Variants in BMPR1B observed in about 807,000 individuals in gnomAD.
BMPR1B encodes the protein bone morphogenetic protein receptor type 1B.
In BMPR1B, 12 loss-of-function variants were observed where a neutral mutation model predicts 59.1. That is an observed-to-expected ratio of 0.20 (90% confidence interval 0.13 to 0.33). The LOEUF is 0.33. Among genes scored for constraint, BMPR1B ranks in the 10% least tolerant of loss-of-function variants. The pLI is 1.00. For missense variants in BMPR1B, 550 were observed against 610.9 expected, an observed-to-expected ratio of 0.90 and a Z score of 1.05; for synonymous variants, 237 against 207.3, an observed-to-expected ratio of 1.14 and a Z score of -1.23.
rs183468412 is a variant in BMPR1B, at chr4:95,118,071, A to G, written c.349+2284A>G. Among the ~76,000 whole-genome samples, 9 of 152,262 alleles carry G rather than the reference A, an allele frequency of 5.9e-5. No homozygotes were observed. The East Asian group carries it at 1.5e-3, about 26-fold the overall frequency. On this transcript the variant is annotated intron_variant, in intron 6 of 12. Transcript: ENST00000515059. The stretch of plus-strand genomic sequence containing the variant: ...GCTGGCTTTGGTGGGGTTTAGTAGC[A>G]TTAGAATGCACTGCTTTGAGCTCTG...
At chr4:95,071,648 G>GCATATATATATA (rs1430593586) in intron 3 of BMPR1B, among the ~76,000 whole-genome samples, 67 of 104,752 alleles carry the variant, frequency 6.4e-4, no homozygotes, top group African/African-American at 2.4e-3. Context: ...GTGTGTGTGT[G>GCATATATATATA]TGTGTATATA....
chr4:95,117,479 T>C (rs1338321156), intron 6 of BMPR1B, among the ~76,000 whole-genome samples: 1 of 151,792 alleles, frequency 6.6e-6, no homozygotes, highest in African/African-American at 2.4e-5. Flanking sequence ...TGGAGAAAAA[T>C]CCCATAATTA....
chr4:95,009,422 C>T (rs1167460479), intron 3 of BMPR1B, among the ~76,000 whole-genome samples: 2 of 152,058 alleles, frequency 1.3e-5, no homozygotes, highest in Non-Finnish European at 2.9e-5. Context: ...ATATTTTATA[C>T]AGTGGAATTA....
intron 2 of BMPR1B, among the ~76,000 whole-genome samples, chr4:94,927,807 A>G (rs1728946631): frequency 6.6e-6 from 1 of 152,126 alleles, no homozygotes; most frequent in South Asian, 2.1e-4. Flanking sequence ...AAGAACTGGA[A>G]TGCATTCAGA....
At chr4:95,042,004 C>T (rs1331940018) in intron 3 of BMPR1B, among the ~76,000 whole-genome samples, 1 of 152,084 alleles carries the variant, frequency 6.6e-6, no homozygotes, top group African/African-American at 2.4e-5. Context: ...CCATAGGCGC[C>T]AGCCACCACG....
chr4:95,019,883 A>T (rs961073351), intron 3 of BMPR1B, among the ~76,000 whole-genome samples: 1 of 152,288 alleles, frequency 6.6e-6, no homozygotes, highest in Non-Finnish European at 1.5e-5. Context: ...GTGAAAGGAA[A>T]TATTTTAATT....
At chr4:94,916,242 G>C (rs975905204) in intron 2 of BMPR1B, among the ~76,000 whole-genome samples, 1 of 152,170 alleles carries the variant, frequency 6.6e-6, no homozygotes, top group African/African-American at 2.4e-5. Flanking sequence ...TTTGGAACTG[G>C]GTAAGGGGCA....
At chr4:94,951,858 A>T (rs914353389) in intron 2 of BMPR1B, among the ~76,000 whole-genome samples, 3 of 151,524 alleles carry the variant, frequency 2.0e-5, no homozygotes, top group Non-Finnish European at 4.4e-5. Flanking sequence ...TTACCTCTGG[A>T]AGAATTTGGC....
intron 6 of BMPR1B, among the ~76,000 whole-genome samples, chr4:95,118,162 G>C (rs1003971234): frequency 3.3e-5 from 5 of 152,194 alleles, no homozygotes; most frequent in African/African-American, 1.2e-4. Flanking sequence ...GCCTAGGCAA[G>C]GTCTCTGCAG....
intron 3 of BMPR1B, among the ~76,000 whole-genome samples, chr4:95,099,760 G>A (rs1730690960): frequency 6.6e-6 from 1 of 152,048 alleles, no homozygotes; most frequent in South Asian, 2.1e-4. Context: ...ATTTTCATCT[G>A]TATCTCTAAA....
At chr4:95,022,317 T>G (rs1724048406) in intron 3 of BMPR1B, among the ~76,000 whole-genome samples, 1 of 152,250 alleles carries the variant, frequency 6.6e-6, no homozygotes, top group Non-Finnish European at 1.5e-5. Flanking sequence ...TTTTGTGCAC[T>G]GTTGCTAGGT....
intron 2 of BMPR1B, among the ~76,000 whole-genome samples, chr4:94,986,256 T>G (rs1483588217): frequency 1.3e-5 from 2 of 152,194 alleles, no homozygotes; most frequent in African/African-American, 4.8e-5. Context: ...TTTTCTACTT[T>G]TACTATATTT....
intron 2 of BMPR1B, among the ~76,000 whole-genome samples, chr4:94,890,631 C>T (rs1378637872): frequency 1.3e-5 from 2 of 152,024 alleles, no homozygotes; most frequent in Non-Finnish European, 2.9e-5. Flanking sequence ...TTCCACAGTT[C>T]TGGAAGCTGA....
At chr4:95,023,272 C>A (rs561919867) in intron 3 of BMPR1B, among the ~76,000 whole-genome samples, 6 of 152,132 alleles carry the variant, frequency 3.9e-5, no homozygotes, top group African/African-American at 1.4e-4. Flanking sequence ...TCCAGTATGG[C>A]GAAATGTTTT....
At chr4:94,965,351 A>T (rs931958695) in intron 2 of BMPR1B, among the ~76,000 whole-genome samples, 1 of 152,100 alleles carries the variant, frequency 6.6e-6, no homozygotes, top group African/African-American at 2.4e-5. Flanking sequence ...AGTTGAGCTA[A>T]CATATATCAA....
chr4:95,106,637 A>G (rs1271653179), intron 4 of BMPR1B, among the ~76,000 whole-genome samples: 4 of 152,056 alleles, frequency 2.6e-5, no homozygotes, highest in Non-Finnish European at 4.4e-5. Flanking sequence ...CAATCTGGAC[A>G]TGATACATTT....
intron 10 of BMPR1B, 104 bp from the exon 11 acceptor site, chr4:95,148,644 C>A: frequency 8.4e-7 from 1 of 1,194,042 alleles, no homozygotes; most frequent in South Asian, 1.3e-5. Flanking sequence ...GAAAGTTTTT[C>A]TTTTCCACTT....
chr4:94,971,016 T>A, intron 2 of BMPR1B, among the ~76,000 whole-genome samples: 1 of 152,208 alleles, frequency 6.6e-6, no homozygotes, highest in East Asian at 1.9e-4. Context: ...CCTAATGACA[T>A]CATACAACAA....
At chr4:94,850,732 A>G (rs1365696341) in intron 1 of BMPR1B, among the ~76,000 whole-genome samples, 1 of 152,138 alleles carries the variant, frequency 6.6e-6, no homozygotes, top group Admixed American at 6.6e-5. Flanking sequence ...GCTGGATCCT[A>G]CTACCTGTGG....
Sources: allele counts gnomAD v4.1 joint callset (sites outside exome capture counted in the v4.1 genomes callset), GRCh38; gene constraint gnomAD v4.1.1; transcripts MANE v1.5; gene names NCBI Gene and HGNC (gene_info 2026-07-23, HGNC 2026-07-21).